Variants in LEKR1 observed in about 807,000 individuals in gnomAD.
LEKR1 encodes leucine, glutamate and lysine rich 1.
Under a neutral mutation model 72.4 loss-of-function variants are expected in LEKR1, and 59 were observed. The observed-to-expected ratio is 0.82, with a 90% CI of 0.66 to 1.01. The LOEUF (loss-of-function observed/expected upper bound fraction) is 1.01, where lower values mean the gene tolerates loss of function less well. Among genes scored for constraint, LEKR1 ranks in the 50% least tolerant of loss-of-function variants. The pLI is 0.00. For synonymous variants in LEKR1, 257 were observed against 263.2 expected, an observed-to-expected ratio of 0.98 and a Z score of 0.23; for missense variants, 728 against 759.2, an observed-to-expected ratio of 0.96 and a Z score of 0.48.
At chr3:156,967,355 G>A (rs555667367) in intron 6 of LEKR1, among the ~76,000 whole-genome samples, 1 of 152,190 alleles carries the variant, frequency 6.6e-6, no homozygotes, top group South Asian at 2.1e-4. Flanking sequence ...CGAACCCATG[G>A]CAAAGAAGTT....
intron 3 of LEKR1, among the ~76,000 whole-genome samples, chr3:156,863,721 A>G (rs933899176): frequency 6.6e-6 from 1 of 152,102 alleles, no homozygotes; most frequent in South Asian, 2.1e-4. Flanking sequence ...CAAATTCTTT[A>G]TCTTTCTCTT....
intron 9 of LEKR1, among the ~76,000 whole-genome samples, chr3:157,004,683 C>T (rs954741693): frequency 6.6e-6 from 1 of 152,020 alleles, no homozygotes; most frequent in Non-Finnish European, 1.5e-5. Context: ...ATTATCTTGA[C>T]AGTCCCCTAA....
At chr3:156,968,713 T>C (rs1274020993) in intron 6 of LEKR1, among the ~76,000 whole-genome samples, 1 of 152,094 alleles carries the variant, frequency 6.6e-6, no homozygotes, top group Non-Finnish European at 1.5e-5. Context: ...GACAGATCAA[T>C]GAGACAGAAA....
intron 3 of LEKR1, among the ~76,000 whole-genome samples, chr3:156,898,079 T>C (rs1721385658): frequency 6.6e-6 from 1 of 152,202 alleles, no homozygotes; most frequent in Non-Finnish European, 1.5e-5. Flanking sequence ...GACTCTTAGA[T>C]AATCTCTTTA....
intron 3 of LEKR1, among the ~76,000 whole-genome samples, chr3:156,862,287 C>G (rs1716859080): frequency 6.6e-6 from 1 of 151,964 alleles, no homozygotes; most frequent in African/African-American, 2.4e-5. Context: ...TTTCTATTCA[C>G]CTTTCCACTT....
At chr3:157,028,489 G>GT (rs1388977348) in intron 12 of LEKR1, 87 bp downstream of exon 12, 1 of 1,163,264 alleles carries the variant, frequency 8.6e-7, no homozygotes, top group African/African-American at 1.6e-5. Context: ...AGGCAGCTTA[G>GT]TTTCATGGAA....
intron 3 of LEKR1, among the ~76,000 whole-genome samples, chr3:156,893,047 C>T (rs186699190): frequency 1.9e-3 from 283 of 152,304 alleles, no homozygotes; most frequent in Admixed American, 6.2e-3. Flanking sequence ...AATCTCTGTT[C>T]TTGAGGGGCT....
rs1362128786 is a variant in LEKR1 at position 156,884,914 on chromosome 3, A to G, written c.263+31932A>G. 5.3e-5 allele frequency among the ~76,000 whole-genome samples: 8 copies of G among 152,188 alleles called. No individual in the cohort carries two copies. The South Asian group carries it at 6.2e-4, about 12-fold the overall frequency. On this transcript the variant is annotated intron_variant, in intron 3 of 12. Coordinates refer to ENST00000356539, the MANE Select transcript of LEKR1 (RefSeq NM_001004316.3). ...TTTCTTTTCTTCCTCAAGAGCACCAATTATTCTTAGGTTTGGCCATTTAAC... is the reference window on the plus strand; with the variant it reads ...TTTCTTTTCTTCCTCAAGAGCACCAGTTATTCTTAGGTTTGGCCATTTAAC...
At chr3:156,955,814 TTG>T (rs768794494) in intron 6 of LEKR1, among the ~76,000 whole-genome samples, 125 of 150,936 alleles carry the variant, frequency 8.3e-4, no homozygotes, top group Non-Finnish European at 1.3e-3. Flanking sequence ...TTTCTTTTTG[TTG>T]TTGTTGTTGT....
At chr3:156,870,851 A>G (rs1232647503) in intron 3 of LEKR1, among the ~76,000 whole-genome samples, 2 of 152,064 alleles carry the variant, frequency 1.3e-5, no homozygotes, top group African/African-American at 4.8e-5. Context: ...TGTTCCTTCT[A>G]TGCCTAGTTG....
At chr3:156,960,405 C>G (rs1728012276) in intron 6 of LEKR1, among the ~76,000 whole-genome samples, 1 of 152,112 alleles carries the variant, frequency 6.6e-6, no homozygotes, top group Non-Finnish European at 1.5e-5. Context: ...CGTGCCTCAG[C>G]CTCTGGAGTA....
intron 2 of LEKR1, among the ~76,000 whole-genome samples, chr3:156,840,306 A>T (rs995446594): frequency 2.6e-5 from 4 of 152,168 alleles, no homozygotes; most frequent in African/African-American, 9.7e-5. Flanking sequence ...TCAACTATAT[A>T]TCAACTCATT....
chr3:156,904,354 T>G (rs976172019), intron 3 of LEKR1, among the ~76,000 whole-genome samples: 1 of 151,712 alleles, frequency 6.6e-6, no homozygotes, highest in African/African-American at 2.4e-5. Context: ...TCAAGAAAAA[T>G]ACACTAAACC....
At chr3:156,974,597 G>T (rs1729528795) in intron 6 of LEKR1, among the ~76,000 whole-genome samples, 1 of 151,968 alleles carries the variant, frequency 6.6e-6, no homozygotes, top group African/African-American at 2.4e-5. Context: ...CCTCCAAAAA[G>T]CTTTCTTGCC....
chr3:156,941,013 A>G (rs1302519541), intron 5 of LEKR1, among the ~76,000 whole-genome samples: 1 of 152,058 alleles, frequency 6.6e-6, no homozygotes, highest in Non-Finnish European at 1.5e-5. Flanking sequence ...TACGTAGGGA[A>G]ACTGTAACCT....
chr3:156,835,269 T>A (rs1451781526), intron 2 of LEKR1, among the ~76,000 whole-genome samples: 1 of 152,238 alleles, frequency 6.6e-6, no homozygotes, highest in Non-Finnish European at 1.5e-5. Context: ...GATAATAGTT[T>A]CTAATATACA....
intron 10 of LEKR1, among the ~76,000 whole-genome samples, chr3:157,019,519 C>G (rs1733640955): frequency 6.6e-6 from 1 of 152,006 alleles, no homozygotes; most frequent in South Asian, 2.1e-4. Flanking sequence ...GGGATGTGTA[C>G]AAAGATAATA....
chr3:156,993,330 C>A, intron 9 of LEKR1, 53 bp downstream of exon 9: 2 of 1,186,888 alleles, frequency 1.7e-6, no homozygotes, highest in African/African-American at 1.5e-5. Flanking sequence ...AGTTAGTATT[C>A]CATATATATT....
intron 6 of LEKR1, among the ~76,000 whole-genome samples, chr3:156,962,091 G>T (rs1232656334): frequency 6.6e-6 from 1 of 152,146 alleles, no homozygotes; most frequent in Non-Finnish European, 1.5e-5. Context: ...CTTAGAAAAG[G>T]TTACTGAAGA....
Sources: gnomAD v4.1 joint callset for allele counts (sites outside exome capture counted in the v4.1 genomes callset) on GRCh38, gnomAD v4.1.1 for gene constraint, MANE v1.5 for transcripts, NCBI Gene and HGNC (gene_info 2026-07-23, HGNC 2026-07-21) for gene names.